Variants in IQSEC1 observed in about 807,000 individuals in gnomAD.
IQSEC1 encodes IQ motif and Sec7 domain ArfGEF 1.
IQSEC1 carries 31 observed loss-of-function variants against 91.0 expected under a neutral mutation model. That is an observed-to-expected ratio of 0.34 (90% CI 0.26 to 0.46). IQSEC1 has a LOEUF of 0.46. Ranked by LOEUF, IQSEC1 falls within the 20% of genes least tolerant of loss-of-function variation. The pLI, the probability that IQSEC1 is intolerant of heterozygous loss-of-function variation, is 1.00. For synonymous variants in IQSEC1, 699 were observed against 662.6 expected (o/e 1.05, Z -0.84); for missense variants, 1,388 against 1,575.6 (o/e 0.88, Z 2.02).
intron 2 of IQSEC1, among the ~76,000 whole-genome samples, chr3:13,140,968 G>C (rs1353369699): frequency 2.0e-5 from 3 of 152,242 alleles, no homozygotes; most frequent in Non-Finnish European, 4.4e-5. Context: ...TGCCTTGCCT[G>C]AAGGCAACAA....
chr3:12,938,336 A>G (rs1698416191), intron 2 of IQSEC1, among the ~76,000 whole-genome samples: 1 of 152,200 alleles, frequency 6.6e-6, no homozygotes, highest in African/African-American at 2.4e-5. Context: ...AATAATGCCA[A>G]ACAGACGTCC....
intron 1 of IQSEC1, among the ~76,000 whole-genome samples, chr3:13,170,801 G>A (rs1489865159): frequency 6.6e-6 from 1 of 152,208 alleles, no homozygotes; most frequent in Non-Finnish European, 1.5e-5. Context: ...GCCTTTTGGA[G>A]TCTTTAGAAA....
At chr3:12,971,883 G>A (rs1700916036) in intron 1 of IQSEC1, among the ~76,000 whole-genome samples, 1 of 152,104 alleles carries the variant, frequency 6.6e-6, no homozygotes, top group African/African-American at 2.4e-5. Flanking sequence ...TTAGCTGGGC[G>A]TGGTGGTGGG....
At chr3:13,183,220 TAAA>T (rs1341161408) in intron 1 of IQSEC1, among the ~76,000 whole-genome samples, 2 of 150,126 alleles carry the variant, frequency 1.3e-5, no homozygotes, top group Non-Finnish European at 3.0e-5. Context: ...CATAAATAAA[TAAA>T]AAAGAAATTA....
At chr3:13,262,506 G>A (rs982072283) in intron 1 of IQSEC1, among the ~76,000 whole-genome samples, 2 of 152,260 alleles carry the variant, frequency 1.3e-5, no homozygotes, top group East Asian at 1.9e-4. Context: ...GACGGAGTTC[G>A]TAGAGCTAGA....
chr3:13,107,937 G>A (rs1030212362), intron 2 of IQSEC1, among the ~76,000 whole-genome samples: 1 of 152,234 alleles, frequency 6.6e-6, no homozygotes, highest in South Asian at 2.1e-4. Flanking sequence ...AGTGAGCTCC[G>A]GACTCCAGCC....
intron 1 of IQSEC1, among the ~76,000 whole-genome samples, chr3:13,011,599 T>G (rs1702885867): frequency 6.6e-6 from 1 of 152,192 alleles, no homozygotes; most frequent in African/African-American, 2.4e-5. Context: ...TGGGGCCAGC[T>G]TCGAAGTCTT....
chr3:13,123,437 G>T (rs1202432496), intron 2 of IQSEC1, among the ~76,000 whole-genome samples: 1 of 152,224 alleles, frequency 6.6e-6, no homozygotes, highest in African/African-American at 2.4e-5. Context: ...TACAGGGGAG[G>T]CTGGCCTGGG....
At chr3:12,919,247 C>T (rs1696388776) in intron 6 of IQSEC1, among the ~76,000 whole-genome samples, 2 of 152,200 alleles carry the variant, frequency 1.3e-5, no homozygotes, top group African/African-American at 4.8e-5. Flanking sequence ...TTGGGGCCTG[C>T]GATGCCCCTC....
At chr3:13,195,528 T>C (rs547479405) in intron 1 of IQSEC1, among the ~76,000 whole-genome samples, 7 of 152,338 alleles carry the variant, frequency 4.6e-5, no homozygotes, top group African/African-American at 1.4e-4. Context: ...CATGGAACAC[T>C]ATTCGGCAAT....
intron 1 of IQSEC1, among the ~76,000 whole-genome samples, chr3:13,225,001 T>C (rs760870845): frequency 1.3e-5 from 2 of 152,230 alleles, no homozygotes; most frequent in Non-Finnish European, 2.9e-5. Flanking sequence ...CCAGATACCA[T>C]TGTGCCATTA....
intron 1 of IQSEC1, among the ~76,000 whole-genome samples, chr3:13,220,313 C>T (rs1418470206): frequency 6.6e-6 from 1 of 152,210 alleles, no homozygotes; most frequent in Non-Finnish European, 1.5e-5. Context: ...TCACATAGGG[C>T]CTGTGACCAA....
chr3:12,899,501 C>G lies in IQSEC1; in HGVS notation c.*1482G>C. The G allele has an allele frequency of 6.4e-7, 1 of 1,566,972 alleles. No homozygotes were observed. The highest frequency in any genetic ancestry group is 8.7e-7 in the Non-Finnish European group (1 of 1,154,322). ...CGCGTGCAGGTCTGGCCCTGGGGAG[C>G]GCATGGTGTCACCACAACACAGAAG... On this transcript the variant is annotated 3_prime_UTR_variant, in exon 14 of 14. Coordinates refer to ENST00000613206, the MANE Select transcript of IQSEC1 (RefSeq NM_001134382.3).
intron 1 of IQSEC1, among the ~76,000 whole-genome samples, chr3:13,274,141 C>T (rs370574677): frequency 2.0e-5 from 3 of 152,302 alleles, no homozygotes; most frequent in South Asian, 2.1e-4. Flanking sequence ...CATTCAGCCT[C>T]GGGCTGTTCA....
chr3:13,150,864 C>T (rs11719364), intron 2 of IQSEC1, among the ~76,000 whole-genome samples: 80,757 of 152,090 alleles, frequency 0.53, 21,924 homozygotes, highest in Middle Eastern at 0.6. Flanking sequence ...AGAGCCCCAC[C>T]TGAGAGTGGT....
At chr3:13,279,241 G>A (rs114688372) in intron 1 of IQSEC1, among the ~76,000 whole-genome samples, 1,791 of 152,268 alleles carry the variant, frequency 0.012, 37 homozygotes, top group African/African-American at 0.039. Flanking sequence ...CCTATTATGC[G>A]TCTGAACCTC....
chr3:12,909,502 G>T lies in IQSEC1; in HGVS notation c.2417-68C>A. ...TGTGTTCTCTGCAATCTCCTCTCTGGTCAGGAAACAATGGTAGGGCTGAGT... is the reference window on the plus strand; with the variant it reads ...TGTGTTCTCTGCAATCTCCTCTCTGTTCAGGAAACAATGGTAGGGCTGAGT... On this transcript the variant is annotated intron_variant, in intron 10 of 13. Coordinates refer to ENST00000613206, the MANE Select transcript of IQSEC1 (RefSeq NM_001134382.3). The surrounding 1 kb of genome is among the most constrained non-coding windows in gnomAD (Gnocchi z 4.9). The T allele has an allele frequency of 6.8e-7, 1 of 1,479,710 alleles. No individual in the cohort carries two copies. 91.7% of individuals were successfully genotyped at this position (1,479,710 alleles called of 1,614,324 possible). A position where few individuals can be genotyped will look rare whatever the true frequency, so the allele number is the denominator to read the frequency against.
At chr3:13,062,187 A>G (rs1705089355) in intron 1 of IQSEC1, among the ~76,000 whole-genome samples, 1 of 152,146 alleles carries the variant, frequency 6.6e-6, no homozygotes, top group Non-Finnish European at 1.5e-5. Flanking sequence ...TGGATACACC[A>G]TTACAGCCCA....
At chr3:13,175,019 CA>C (rs1693700065) in intron 1 of IQSEC1, among the ~76,000 whole-genome samples, 1 of 152,184 alleles carries the variant, frequency 6.6e-6, no homozygotes, top group South Asian at 2.1e-4. Context: ...GCTCATATGT[CA>C]CCTTCTCAGC....
Sources: gnomAD v4.1 joint callset for allele counts (sites outside exome capture counted in the v4.1 genomes callset) on GRCh38, gnomAD v4.1.1 for gene constraint, Gnocchi (gnomAD v3.1) non-coding constraint, MANE v1.5 for transcripts, NCBI Gene and HGNC (gene_info 2026-07-23, HGNC 2026-07-21) for gene names.